SERPINI1: variants seen among roughly 807,000 people sequenced by gnomAD.
SERPINI1 encodes neuroserpin.
Under a neutral mutation model 41.1 loss-of-function variants are expected in SERPINI1, and 19 were observed. The ratio of observed to expected loss-of-function variants is 0.46; its 90% CI spans 0.32 to 0.68. SERPINI1 has a LOEUF of 0.68. Among genes scored for constraint, SERPINI1 ranks in the 30% least tolerant of loss-of-function variants. The pLI, the probability that SERPINI1 is intolerant of heterozygous loss-of-function variation, is 0.03. For synonymous variants in SERPINI1, 138 were observed against 156.6 expected, an observed-to-expected ratio of 0.88 and a Z score of 0.89; for missense variants, 460 against 479.2, an observed-to-expected ratio of 0.96 and a Z score of 0.37.
intron 5 of SERPINI1, among the ~76,000 whole-genome samples, chr3:167,799,539 A>G (rs1053145528): frequency 6.6e-6 from 1 of 152,094 alleles, no homozygotes; most frequent in Non-Finnish European, 1.5e-5. Context: ...ATGATTTATA[A>G]TCCTTTGGGT....
At chr3:167,796,806 A>G (rs1292943766) in intron 5 of SERPINI1, among the ~76,000 whole-genome samples, 1 of 152,070 alleles carries the variant, frequency 6.6e-6, no homozygotes, top group African/African-American at 2.4e-5. Context: ...TGCTATTGTG[A>G]ATAGTGCTGC....
chr3:167,760,348 A>AATATATATATATATAT (rs35053492), intron 1 of SERPINI1, among the ~76,000 whole-genome samples: 79 of 147,502 alleles, frequency 5.4e-4, no homozygotes, highest in African/African-American at 1.6e-3. Context: ...ACTAATTTCA[A>AATATATATATATATAT]ATATATATAT....
intron 1 of SERPINI1, among the ~76,000 whole-genome samples, chr3:167,744,299 T>G (rs887315163): frequency 2.0e-5 from 3 of 152,044 alleles, no homozygotes; most frequent in Non-Finnish European, 2.9e-5. Context: ...TGGCGTGTAG[T>G]AAATGCTCAT....
Position 167,796,868 on chromosome 3 carries a change from T to C in SERPINI1, c.881+2044T>C, listed in dbSNP as rs548654807. Among the ~76,000 whole-genome samples, 14 of 152,318 alleles carry C rather than the reference T, an allele frequency of 9.2e-5. No individual in the cohort carries two copies. The East Asian group carries it at 2.7e-3, about 29-fold the overall frequency. ...TATAATAGAATGATTTGTAATCCTT[T>C]GGGTATATACCCGGTAATGGGATTG... On this transcript the variant is annotated intron_variant, in intron 5 of 8. Transcript: ENST00000446050.
chr3:167,772,570 T>C (rs1003313822), intron 1 of SERPINI1, among the ~76,000 whole-genome samples: 24 of 152,088 alleles, frequency 1.6e-4, no homozygotes, highest in Non-Finnish European at 2.9e-4. Context: ...GTCCATCATG[T>C]AGTCATTCTC....
intron 1 of SERPINI1, among the ~76,000 whole-genome samples, chr3:167,761,399 A>G (rs1387284523): frequency 6.6e-6 from 1 of 152,246 alleles, no homozygotes; most frequent in Non-Finnish European, 1.5e-5. Context: ...CATCAAATGT[A>G]GTAGCATAAA....
chr3:167,757,497 A>ATG (rs1726229079), intron 1 of SERPINI1, among the ~76,000 whole-genome samples: 2 of 151,316 alleles, frequency 1.3e-5, no homozygotes, highest in African/African-American at 4.9e-5. Context: ...AATTAGTGAG[A>ATG]TCTCTCTCTC....
At chr3:167,788,426 G>A (rs1005912635) in intron 1 of SERPINI1, among the ~76,000 whole-genome samples, 3 of 152,224 alleles carry the variant, frequency 2.0e-5, no homozygotes, top group African/African-American at 7.2e-5. Flanking sequence ...TAAATGGACT[G>A]TGTCGTAGCA....
At chr3:167,743,759 A>T (rs575054881) in intron 1 of SERPINI1, among the ~76,000 whole-genome samples, 1 of 152,118 alleles carries the variant, frequency 6.6e-6, no homozygotes, top group Non-Finnish European at 1.5e-5. Context: ...TTACATTACA[A>T]CAAGGATATA....
At chr3:167,759,989 G>A (rs1726328241) in intron 1 of SERPINI1, among the ~76,000 whole-genome samples, 1 of 152,128 alleles carries the variant, frequency 6.6e-6, no homozygotes, top group African/African-American at 2.4e-5. Flanking sequence ...ATGTATATAT[G>A]CCACGTGTCC....
At chr3:167,739,810 A>G (rs1301696489) in intron 1 of SERPINI1, among the ~76,000 whole-genome samples, 3 of 152,228 alleles carry the variant, frequency 2.0e-5, no homozygotes, top group Non-Finnish European at 4.4e-5. Context: ...TGACCTAGAA[A>G]CAAATTAATC....
chr3:167,825,036 G>C (rs1329434646), intron 8 of SERPINI1, among the ~76,000 whole-genome samples: 1 of 150,942 alleles, frequency 6.6e-6, no homozygotes, highest in African/African-American at 2.4e-5. Context: ...ATCAGAGCAA[G>C]AGCCTTTCTC....
intron 6 of SERPINI1, among the ~76,000 whole-genome samples, chr3:167,814,363 A>C (rs1340802007): frequency 1.3e-5 from 2 of 152,246 alleles, no homozygotes; most frequent in Non-Finnish European, 2.9e-5. Context: ...AGAAAAGCAA[A>C]CAAAGAAACA....
chr3:167,792,476 T>A (rs1191476313), intron 3 of SERPINI1, 114 bp from the exon 4 acceptor site: 1 of 750,724 alleles, frequency 1.3e-6, no homozygotes, highest in African/African-American at 1.8e-5. Context: ...CATTGTAAAT[T>A]TGGTGTACAG....
chr3:167,798,373 A>T (rs1727780807), intron 5 of SERPINI1, among the ~76,000 whole-genome samples: 1 of 152,184 alleles, frequency 6.6e-6, no homozygotes, highest in African/African-American at 2.4e-5. Flanking sequence ...GCTAAATAGC[A>T]AAATAAATAA....
chr3:167,801,863 A>G (rs1033430768), intron 5 of SERPINI1, among the ~76,000 whole-genome samples: 2 of 152,314 alleles, frequency 1.3e-5, no homozygotes, highest in East Asian at 3.9e-4. Context: ...TCAACTTTGA[A>G]CAAGGTCTTA....
chr3:167,738,480 A>T (rs1484341129), intron 1 of SERPINI1, among the ~76,000 whole-genome samples: 1 of 152,128 alleles, frequency 6.6e-6, no homozygotes, highest in Non-Finnish European at 1.5e-5. Flanking sequence ...GTAAAGAAGG[A>T]TACAGGGGAA....
chr3:167,783,498 A>T (rs1252528443), intron 1 of SERPINI1, among the ~76,000 whole-genome samples: 1 of 152,204 alleles, frequency 6.6e-6, no homozygotes, highest in African/African-American at 2.4e-5. Flanking sequence ...AATTTTACTT[A>T]TTTGGGAATA....
intron 6 of SERPINI1, among the ~76,000 whole-genome samples, chr3:167,818,856 T>C (rs942556142): frequency 2.6e-5 from 4 of 152,308 alleles, no homozygotes; most frequent in Middle Eastern, 3.4e-3. Context: ...CTCATAGCTA[T>C]TGGAGGCAAT....
Sources: allele counts gnomAD v4.1 joint callset (sites outside exome capture counted in the v4.1 genomes callset), GRCh38; gene constraint gnomAD v4.1.1; transcripts MANE v1.5; gene names NCBI Gene and HGNC (gene_info 2026-07-23, HGNC 2026-07-21).